Variants in ATRN observed in about 807,000 individuals in gnomAD.
The protein encoded by ATRN is attractin, also known as attractin-2.
A neutral mutation model predicts 178.7 loss-of-function variants in ATRN; 54 were observed. The observed-to-expected ratio is 0.30, with a 90% CI of 0.24 to 0.38. The LOEUF is 0.38. Among genes scored for constraint, ATRN ranks in the 10% least tolerant of loss-of-function variants. The probability of loss-of-function intolerance (pLI) is 1.00; values close to 1 mark genes in which losing one functional copy is unlikely to be tolerated. For synonymous variants in ATRN, 636 were observed against 663.0 expected (o/e 0.96, Z 0.63); for missense variants, 1,443 against 1,815.1 (o/e 0.79, Z 3.73).
At chr20:3,636,723 G>A (rs1490481021) in intron 26 of ATRN, among the ~76,000 whole-genome samples, 1 of 152,162 alleles carries the variant, frequency 6.6e-6, no homozygotes, top group Non-Finnish European at 1.5e-5. Context: ...GGCTCAGAAA[G>A]GTGAAGTGAC....
At chr20:3,479,267 T>C (rs1273151243) in intron 1 of ATRN, among the ~76,000 whole-genome samples, 1 of 152,244 alleles carries the variant, frequency 6.6e-6, no homozygotes, top group African/African-American at 2.4e-5. Context: ...TGTTAGGTAC[T>C]GTGCCCTTCC....
intron 26 of ATRN, among the ~76,000 whole-genome samples, chr20:3,635,181 A>G (rs375175799): frequency 9.9e-5 from 15 of 152,074 alleles, no homozygotes; most frequent in East Asian, 9.7e-4. Context: ...AGGCATAAGA[A>G]TGATACAGTG....
intron 1 of ATRN, chr20:3,489,483 C>G: frequency 9.4e-7 from 1 of 1,058,904 alleles, no homozygotes; most frequent in Non-Finnish European, 1.5e-6. Flanking sequence ...AAACAGATCT[C>G]AGGGAAGCCT....
chr20:3,641,944 CATT>C (rs1377083588), intron 27 of ATRN, among the ~76,000 whole-genome samples: 13 of 152,286 alleles, frequency 8.5e-5, no homozygotes, highest in East Asian at 5.8e-4. Flanking sequence ...TCTAAACAAA[CATT>C]ATCCTGGTAA....
intron 1 of ATRN, among the ~76,000 whole-genome samples, chr20:3,496,672 G>A (rs1333908084): frequency 5.3e-5 from 8 of 152,232 alleles, no homozygotes; most frequent in Admixed American, 1.3e-4. Context: ...TATTAGGTCC[G>A]CTTGGTGCAG....
At chr20:3,567,894 A>G (rs999015925) in intron 11 of ATRN, among the ~76,000 whole-genome samples, 2 of 152,222 alleles carry the variant, frequency 1.3e-5, no homozygotes, top group Non-Finnish European at 2.9e-5. Context: ...GAGAACACCA[A>G]CTGTACTGGG....
rs140624366 is a variant in ATRN at position 3,545,768 on chromosome 20, C to T, written c.615C>T (p.Leu205=). The change falls in exon 4 of 29, where the codon CTC becomes CTT. Residue 205 remains leucine (L), a synonymous_variant. Coordinates refer to ENST00000262919, the MANE Select transcript of ATRN (RefSeq NM_139321.3). ...YAPLVAAFSG[L]IVPERDGNET... ...AAGTGTGTTTTCATTTCAGTGGCCT[C>T]ATTGTTCCTGAGAGAGATGGCAATG... The T allele has an allele frequency of 6.3e-5, 101 of 1,613,866 alleles. 1 individual carries two copies. In the Middle Eastern group the frequency reaches 1.5e-3, roughly 24 times the overall value.
At chr20:3,624,999 C>G (rs1322178852) in intron 25 of ATRN, among the ~76,000 whole-genome samples, 1 of 152,048 alleles carries the variant, frequency 6.6e-6, no homozygotes, top group South Asian at 2.1e-4. Flanking sequence ...TTTTAGTGCC[C>G]TGGGATTTTC....
In ATRN at chr20:3,648,061, C is replaced by T. The variant is rs376368401; in HGVS notation, c.*1214C>T. 1.3e-5 allele frequency: 2 copies of T among 152,222 alleles called. No individual in the cohort carries two copies. Among genetic ancestry groups the T allele is most frequent in the South Asian group, 2.1e-4 (1 of 4,820 alleles). The allele number at this position is 152,222 out of a possible 1,614,324, so 9.4% of individuals were successfully genotyped here. A position where few individuals can be genotyped will look rare whatever the true frequency, so the allele number is the denominator to read the frequency against. On this transcript the variant is annotated 3_prime_UTR_variant, in exon 29 of 29. Transcript: ENST00000262919. The stretch of plus-strand genomic sequence containing the variant: ...TGCAGCCTCCTCTGAACTTGTGGTT[C>T]ATTCTCAGGCTGGGGTGGACTCAGA...
Position 3,559,330 on chromosome 20 carries a change from TA to T in ATRN, c.1113-59del, listed in dbSNP as rs1001640985. On this transcript the variant is annotated intron_variant, in intron 6 of 28. Transcript: ENST00000262919. ...TCTCCAAACTGGATTATGTCACAAA[TA>T]AAATAGTATGAGATGTTCTGTCTTA... 9 of 1,272,732 alleles carry T rather than the reference TA, an allele frequency of 7.1e-6. No homozygotes were observed. The African/African-American group carries it at 1.3e-4, about 19-fold the overall frequency. The allele number at this position is 1,272,732 out of a possible 1,614,324, so 78.8% of individuals were successfully genotyped here.
intron 23 of ATRN, among the ~76,000 whole-genome samples, chr20:3,603,551 G>A (rs1159209272): frequency 6.6e-6 from 1 of 151,298 alleles, no homozygotes; most frequent in Non-Finnish European, 1.5e-5. Context: ...GTGCAATGGC[G>A]CAATCTTGGC....
At chr20:3,604,362 A>G (rs966983755) in intron 24 of ATRN, 100 bp downstream of exon 24, 1 of 1,369,434 alleles carries the variant, frequency 7.3e-7, no homozygotes, top group Non-Finnish European at 9.8e-7. Context: ...GAGATGTGCA[A>G]TGTGGCTTTG....
At chr20:3,542,164 G>A (rs187091424) in intron 3 of ATRN, among the ~76,000 whole-genome samples, 166 of 152,322 alleles carry the variant, frequency 1.1e-3, no homozygotes, top group Non-Finnish European at 1.9e-3. Context: ...GCCAGCATTT[G>A]AAACATAACT....
chr20:3,475,897 C>T (rs933303140), intron 1 of ATRN, among the ~76,000 whole-genome samples: 1 of 152,226 alleles, frequency 6.6e-6, no homozygotes, highest in Non-Finnish European at 1.5e-5. Flanking sequence ...GTAATCCCAA[C>T]ACTTTGGGAG....
intron 1 of ATRN, among the ~76,000 whole-genome samples, chr20:3,526,771 C>T (rs950327893): frequency 3.3e-5 from 5 of 152,066 alleles, no homozygotes; most frequent in Non-Finnish European, 7.4e-5. Flanking sequence ...TCAGAAATAA[C>T]GCCACACATC....
At chr20:3,523,661 C>A (rs1293315620) in intron 1 of ATRN, among the ~76,000 whole-genome samples, 1 of 152,136 alleles carries the variant, frequency 6.6e-6, no homozygotes, top group African/African-American at 2.4e-5. Context: ...TAAGGGCAGC[C>A]AGAGAGAAAG....
At chr20:3,524,104 C>A (rs2085331640) in intron 1 of ATRN, among the ~76,000 whole-genome samples, 1 of 151,972 alleles carries the variant, frequency 6.6e-6, no homozygotes, top group Non-Finnish European at 1.5e-5. Flanking sequence ...TTAAAAGACA[C>A]AGACTGACAA....
At chr20:3,550,054 G>GC (rs1345500838) in intron 6 of ATRN, among the ~76,000 whole-genome samples, 5 of 152,210 alleles carry the variant, frequency 3.3e-5, no homozygotes, top group Non-Finnish European at 5.9e-5. Context: ...CAGGCTAGGC[G>GC]CAGTGGCTCA....
rs557928044 is a variant in ATRN, at chr20:3,614,447, G to GT, written c.3802-10061dup. On this transcript the variant is annotated intron_variant, in intron 24 of 28. Transcript: ENST00000262919. ...TAATATAGAAGTCTGCGTGCTGGGT[G>GT]TTTCATCTACTGTTTTATGTAAGAG... is the stretch of plus-strand genomic sequence containing the variant. Among the ~76,000 whole-genome samples, 55 of 152,278 alleles carry GT rather than the reference G, an allele frequency of 3.6e-4. No individual in the cohort carries two copies. The South Asian group carries it at 0.011, about 30-fold the overall frequency.
Sources: gnomAD v4.1 joint callset for allele counts (sites outside exome capture counted in the v4.1 genomes callset) on GRCh38, gnomAD v4.1.1 for gene constraint, MANE v1.5 for transcripts, NCBI Gene and HGNC (gene_info 2026-07-23, HGNC 2026-07-21) for gene names.